Variants in ACSL5 observed in about 807,000 individuals in gnomAD.
The protein encoded by ACSL5 is acyl-CoA synthetase long chain family member 5.
In ACSL5, 50 loss-of-function variants were observed where a neutral mutation model predicts 84.9. The ratio of observed to expected loss-of-function variants is 0.59; its 90% CI spans 0.47 to 0.75. The LOEUF (loss-of-function observed/expected upper bound fraction) is 0.75, where lower values mean the gene tolerates loss of function less well. Ranked by LOEUF, ACSL5 falls within the 30% of genes least tolerant of loss-of-function variation. The pLI, the probability that ACSL5 is intolerant of heterozygous loss-of-function variation, is 0.00. For missense variants in ACSL5, 775 were observed against 830.4 expected (o/e 0.93, Z 0.82); for synonymous variants, 280 against 300.7 (o/e 0.93, Z 0.71).
chr10:112,400,996 CAATACCGTTG>C (rs1255187929), intron 3 of ACSL5, among the ~76,000 whole-genome samples: 1 of 151,956 alleles, frequency 6.6e-6, no homozygotes, highest in Non-Finnish European at 1.5e-5. Context: ...AATCCTAAAC[CAATACCGTTG>C]AAATAGCTTC....
intron 3 of ACSL5, among the ~76,000 whole-genome samples, chr10:112,400,406 CTTTTT>C (rs573644087): frequency 6.1e-5 from 6 of 98,892 alleles, no homozygotes; most frequent in African/African-American, 2.0e-4. Flanking sequence ...TTTTTCTTTT[CTTTTT>C]TTTTTTTTTT....
chr10:112,385,981 G>C (rs1410344838), intron 1 of ACSL5, among the ~76,000 whole-genome samples: 3 of 151,948 alleles, frequency 2.0e-5, no homozygotes, highest in Non-Finnish European at 4.4e-5. Flanking sequence ...TTTGTTGTAG[G>C]AGTAAGAGAG....
chr10:112,382,617 C>G (rs1190368826), intron 1 of ACSL5, among the ~76,000 whole-genome samples: 1 of 152,142 alleles, frequency 6.6e-6, no homozygotes, highest in African/African-American at 2.4e-5. Flanking sequence ...TGTAGCTTTT[C>G]CTGTGCAATT....
chr10:112,382,302 T>C (rs11195938), intron 1 of ACSL5, among the ~76,000 whole-genome samples: 74,051 of 152,146 alleles, frequency 0.49, 18,124 homozygotes, highest in South Asian at 0.58. Flanking sequence ...CCTTGTGGGA[T>C]TGAACACTGC....
chr10:112,408,599 T>C, intron 6 of ACSL5, 78 bp downstream of exon 6: 1 of 1,056,860 alleles, frequency 9.5e-7, no homozygotes. Flanking sequence ...TTTTTGTTTA[T>C]TTGTTTGTTT....
At chr10:112,419,493 G>T (rs542388887) in intron 14 of ACSL5, 2 of 152,188 alleles carry the variant, frequency 1.3e-5, no homozygotes, top group Admixed American at 6.5e-5. Flanking sequence ...TTTGAATTTT[G>T]CATTTTTTTC....
chr10:112,424,552 AC>A (rs1844597209), intron 17 of ACSL5: 1 of 152,250 alleles, frequency 6.6e-6, no homozygotes, highest in African/African-American at 2.4e-5. Context: ...ATGTCCCCAC[AC>A]CAGGGTTATA....
intron 18 of ACSL5, 90 bp downstream of exon 18, chr10:112,425,571 T>C (rs931417801): frequency 2.8e-6 from 3 of 1,075,684 alleles, no homozygotes; most frequent in Non-Finnish European, 2.5e-6. Context: ...GGGTTCAGAA[T>C]GAGAAGATCC....
chr10:112,398,877 C>A, intron 2 of ACSL5, 24 bp from the exon 3 acceptor site: 4 of 1,601,156 alleles, frequency 2.5e-6, no homozygotes, highest in Non-Finnish European at 3.4e-6. Flanking sequence ...TTGAACTTGG[C>A]CTAAACTTGG....
Position 112,404,773 on chromosome 10 carries a change from G to A in ACSL5, c.399G>A (p.Gln133=). The change falls in exon 5 of 21, where the codon CAG becomes CAA. Residue 133 remains glutamine (Q), a synonymous_variant. Coordinates refer to ENST00000354655, the MANE Select transcript of ACSL5 (RefSeq NM_203379.2). ...AAGGTTATAAATCATCACCAGACCA[G>A]TTTGTCGGCATCTTTGCTCAGAATA... ...LHKGYKSSPD[Q]FVGIFAQNRP... 3 of 1,613,982 alleles carry A rather than the reference G, an allele frequency of 1.9e-6. No individual in the cohort carries two copies. The highest frequency in any genetic ancestry group is 2.5e-6 in the Non-Finnish European group (3 of 1,179,940).
chr10:112,413,161 T>C lies in ACSL5; in HGVS notation c.949-12T>C. 1 of 1,613,726 alleles carries C rather than the reference T, an allele frequency of 6.2e-7. No homozygotes were observed. The highest frequency in any genetic ancestry group is 8.5e-7 in the Non-Finnish European group (1 of 1,179,826). On this transcript the variant is annotated splice_polypyrimidine_tract_variant and intron_variant, in intron 11 of 20. Transcript: ENST00000354655. ...TTTGCCTCTAAGCTCTATAATTTGG[T>C]TTTGTTTTCAGGCTGTTGTGTACAG...
intron 1 of ACSL5, chr10:112,394,653 C>A: frequency 1.2e-6 from 1 of 815,102 alleles, no homozygotes; most frequent in South Asian, 5.6e-5. Context: ...AAATGATTAA[C>A]TTGTTTCCTT....
chr10:112,395,068 T>C lies in ACSL5; in HGVS notation c.122T>C (p.Leu41Pro), dbSNP rs1843716369. 1.2e-6 allele frequency: 2 copies of C among 1,614,122 alleles called. No homozygotes were observed. Among genetic ancestry groups the C allele is most frequent in the South Asian group, 1.1e-5 (1 of 91,082 alleles). ...LITRPQPVLP[L>P]LDLNNQSVGI... ...ACCAGACCTCAACCCGTCTTACCTCTTCTTGACCTGAACAATCAGTCTGTG... is the reference window on the plus strand; with the variant it reads ...ACCAGACCTCAACCCGTCTTACCTCCTCTTGACCTGAACAATCAGTCTGTG... Residue 41 changes from leucine (L) to proline (P), a missense_variant, in exon 2 of 21, where the codon CTT becomes CCT. Physicochemically the swap from Leu to Pro is moderately conservative, Grantham distance 98 (BLOSUM62 -3). Coordinates refer to ENST00000354655, the MANE Select transcript of ACSL5 (RefSeq NM_203379.2).
rs147562169 is a variant in ACSL5 at position 112,409,795 on chromosome 10, T to G, written c.711+110T>G. 6.4e-4 allele frequency: 683 copies of G among 1,062,122 alleles called. 2 individuals carry two copies. In the African/African-American group the frequency reaches 9.2e-3, roughly 14 times the overall value. The allele number at this position is 1,062,122 out of a possible 1,614,324, so 65.8% of individuals were successfully genotyped here. A position where few individuals can be genotyped will look rare whatever the true frequency, so the allele number is the denominator to read the frequency against. ...GTTCTTGTTCTCCAGGGGTGGCACG[T>G]GAGGAGTAGATTAGACTCATGCTGT... On this transcript the variant is annotated intron_variant, in intron 7 of 20. Transcript: ENST00000354655.
intron 17 of ACSL5, among the ~76,000 whole-genome samples, chr10:112,423,096 G>A (rs1844523574): frequency 7.3e-6 from 1 of 136,336 alleles, no homozygotes; most frequent in Non-Finnish European, 1.5e-5. Flanking sequence ...GCTGAGGCAG[G>A]AGAATGGCTT....
intron 9 of ACSL5, 107 bp downstream of exon 9, chr10:112,410,742 C>T (rs1021764547): frequency 6.6e-5 from 76 of 1,148,152 alleles, no homozygotes; most frequent in Middle Eastern, 2.9e-4. Flanking sequence ...GAGCCCTATA[C>T]TTAGGGGCTC....
rs751452222 is a variant in ACSL5 at position 112,427,195 on chromosome 10, ATGTG to A, written c.1912-15_1912-12del. On this transcript the variant is annotated intron_variant, in intron 20 of 20. Coordinates refer to ENST00000354655, the MANE Select transcript of ACSL5 (RefSeq NM_203379.2). ...AAGTCCAAATCACTAATGAGCATGG[ATGTG>A]TGTGTGTTCATCTTCCAGGTCAAAG... The A allele has an allele frequency of 6.2e-7, 1 of 1,603,188 alleles. No individual in the cohort carries two copies. The highest frequency in any genetic ancestry group is 1.7e-5 in the Admixed American group (1 of 58,538).
chr10:112,395,785 C>G (rs1034403534), intron 2 of ACSL5: 6 of 152,164 alleles, frequency 3.9e-5, no homozygotes, highest in African/African-American at 1.4e-4. Flanking sequence ...CTACCCTCTT[C>G]AGAGAAAAAA....
chr10:112,420,706 CTTTTCTTTT>C (rs949172089), intron 14 of ACSL5, among the ~76,000 whole-genome samples: 2 of 151,894 alleles, frequency 1.3e-5, no homozygotes, highest in African/African-American at 4.8e-5. Context: ...GCTGCATTTT[CTTTTCTTTT>C]TTTTCTTTTT....
Sources: allele counts gnomAD v4.1 joint callset (sites outside exome capture counted in the v4.1 genomes callset), GRCh38; gene constraint gnomAD v4.1.1; transcripts MANE v1.5; gene names NCBI Gene and HGNC (gene_info 2026-07-23, HGNC 2026-07-21).